The following GNL3L variants were observed in gnomAD, a reference collection of about 807,000 sequenced individuals.
GNL3L encodes guanine nucleotide-binding protein-like 3-like protein.
Under a neutral mutation model 42.9 loss-of-function variants are expected in GNL3L, and 4 were observed. The observed-to-expected ratio is 0.09, with a 90% CI of 0.05 to 0.21. GNL3L has a LOEUF of 0.21. Among genes scored for constraint, GNL3L ranks in the 10% least tolerant of loss-of-function variants. GNL3L has a pLI of 1.00. For synonymous variants in GNL3L, 159 were observed against 176.3 expected, an observed-to-expected ratio of 0.90 and a Z score of 0.78; for missense variants, 412 against 481.7, an observed-to-expected ratio of 0.86 and a Z score of 1.36.
downstream of GNL3L, among the ~76,000 whole-genome samples, chrX:54,625,990 G>A (rs1189459458): frequency 9.0e-6 from 1 of 111,182 alleles, no homozygotes; most frequent in Non-Finnish European, 1.9e-5. Flanking sequence ...GATCAAATCA[G>A]GGTGATTAAC....
At chrX:54,604,219 A>G (rs1926032900) in intron 16 of GNL3L, among the ~76,000 whole-genome samples, 1 of 112,227 alleles carries the variant, frequency 8.9e-6, no homozygotes, top group Admixed American at 9.4e-5. Flanking sequence ...ACAAAAACAG[A>G]TACAAATTTC....
intron 8 of GNL3L, among the ~76,000 whole-genome samples, chrX:54,547,530 CTCTG>C (rs1340088804): frequency 9.1e-6 from 1 of 110,304 alleles, no homozygotes; most frequent in African/African-American, 3.3e-5. Flanking sequence ...CATGGCGAAA[CTCTG>C]TCTTTACTAA....
At chrX:54,538,172 T>C (rs765980394) in intron 2 of GNL3L, among the ~76,000 whole-genome samples, 2 of 110,850 alleles carry the variant, frequency 1.8e-5, no homozygotes, top group African/African-American at 3.3e-5. Flanking sequence ...TCCTGGGCAA[T>C]AGAGCAAGAG....
chrX:54,541,188 G>A (rs762346843), intron 4 of GNL3L, 85 bp from the exon 5 acceptor site: 4 of 600,496 alleles, frequency 6.7e-6, no homozygotes, highest in African/African-American at 2.2e-5. Flanking sequence ...CTGCCATGTC[G>A]CACCATTTCC....
chrX:54,541,344 C>G lies in GNL3L; in HGVS notation c.261C>G (p.Ser87Arg). 8.3e-7 allele frequency: 1 copy of G among 1,208,100 alleles called. No individual in the cohort carries two copies. The change falls in exon 5 of 16, where the codon AGC (serine) becomes AGG (arginine). Residue 87 changes from serine (S) to arginine (R), a missense_variant. Physicochemically the swap from Ser to Arg is moderately radical, Grantham distance 110. Coordinates refer to ENST00000360845, the MANE Select transcript of GNL3L (RefSeq NM_001184819.2). ...GACAAAAACGCAGGACCATTGAGAG[C>G]TACTGTCAGGATGTCCTAAGACGCC... is the stretch of plus-strand genomic sequence containing the variant. ...QERQKRRTIE[S>R]YCQDVLRRQE...
chrX:54,593,612 C>T (rs753228226), intron 16 of GNL3L, among the ~76,000 whole-genome samples: 6 of 107,959 alleles, frequency 5.6e-5, no homozygotes, highest in Non-Finnish European at 1.1e-4. Context: ...TATTTCTGCT[C>T]TGGTCCTTAT....
chrX:54,634,547 C>T, the GNL3L span, among the ~76,000 whole-genome samples: 1 of 110,259 alleles, frequency 9.1e-6, no homozygotes, highest in East Asian at 2.8e-4. Flanking sequence ...GGCGTGATCT[C>T]GGCTCATTGC....
At chrX:54,534,609 T>C (rs987434954) in intron 2 of GNL3L, among the ~76,000 whole-genome samples, 1 of 111,633 alleles carries the variant, frequency 9.0e-6, no homozygotes, top group African/African-American at 3.3e-5. Flanking sequence ...GGTGGATGCA[T>C]TGAGGCTCAG....
the GNL3L span, among the ~76,000 whole-genome samples, chrX:54,634,712 C>T: frequency 9.7e-6 from 1 of 103,365 alleles, no homozygotes; most frequent in South Asian, 4.6e-4. Flanking sequence ...TGACCTCGAT[C>T]TCCTGACCTT....
the GNL3L span, among the ~76,000 whole-genome samples, chrX:54,633,762 C>T: frequency 0.15 from 16,458 of 111,756 alleles, 1,926 homozygotes; most frequent in African/African-American, 0.41. Context: ...CCATGCTCCT[C>T]CAACAGCCAA....
the GNL3L span, among the ~76,000 whole-genome samples, chrX:54,635,021 A>G: frequency 9.3e-6 from 1 of 107,117 alleles, no homozygotes; most frequent in Non-Finnish European, 1.9e-5. Flanking sequence ...TGAACTCCTG[A>G]CATCAAGTGA....
At chrX:54,552,827 C>T (rs1384182212) in intron 13 of GNL3L, among the ~76,000 whole-genome samples, 1 of 111,650 alleles carries the variant, frequency 9.0e-6, no homozygotes, top group Non-Finnish European at 1.9e-5. Flanking sequence ...TTACCCCTAT[C>T]GGTGAGTAAG....
At chrX:54,630,567 G>T in the GNL3L span, among the ~76,000 whole-genome samples, 1 of 109,207 alleles carries the variant, frequency 9.2e-6, no homozygotes, top group African/African-American at 3.4e-5. Flanking sequence ...TGGTTTTGAG[G>T]GTTCTTTTTG....
chrX:54,557,204 G>C (rs1371156500), intron 14 of GNL3L, among the ~76,000 whole-genome samples: 1 of 108,878 alleles, frequency 9.2e-6, no homozygotes, highest in African/African-American at 3.3e-5. Flanking sequence ...ATGGAATGGA[G>C]TCACTCATTT....
intron 4 of GNL3L, 131 bp downstream of exon 4, chrX:54,540,373 G>A (rs1175741246): frequency 4.1e-6 from 2 of 483,539 alleles, no homozygotes; most frequent in Non-Finnish European, 7.4e-6. Context: ...CGGGAGAGAG[G>A]GAGGTTACCA....
chrX:54,544,141 G>C (rs192356452), intron 7 of GNL3L, 82 bp from the exon 8 acceptor site: 1 of 527,371 alleles, frequency 1.9e-6, no homozygotes, highest in East Asian at 3.6e-5. Context: ...CTAGCTTTGG[G>C]TACGGGTGGA....
chrX:54,633,167 T>C, the GNL3L span, among the ~76,000 whole-genome samples: 2 of 111,566 alleles, frequency 1.8e-5, no homozygotes, highest in South Asian at 7.6e-4. Flanking sequence ...AGTGAAGTGG[T>C]TGTAGTTTTG....
In GNL3L at chrX:54,551,554, C is replaced by T. The variant is rs1017765631; in HGVS notation, c.864-14C>T. 32 of 1,201,496 alleles carry T rather than the reference C, an allele frequency of 2.7e-5. No individual in the cohort carries two copies. Among genetic ancestry groups the T allele is most frequent in the Non-Finnish European group, 3.4e-5 (30 of 888,855 alleles). ...ATGCCAGGTACATCTGGGCTTTCTT[C>T]TTCCCCGCCCCAGATTCATGCAGGA... On this transcript the variant is annotated splice_polypyrimidine_tract_variant and intron_variant, in intron 10 of 15. Coordinates refer to ENST00000360845, the MANE Select transcript of GNL3L (RefSeq NM_001184819.2).
chrX:54,610,250 G>C (rs955747690), intron 16 of GNL3L, among the ~76,000 whole-genome samples: 5 of 111,436 alleles, frequency 4.5e-5, no homozygotes, highest in Non-Finnish European at 9.4e-5. Flanking sequence ...GAGCTTTCTG[G>C]AGGAGTCCTT....
Sources: gnomAD v4.1 joint callset for allele counts (sites outside exome capture counted in the v4.1 genomes callset) on GRCh38, gnomAD v4.1.1 for gene constraint, MANE v1.5 for transcripts, NCBI Gene and HGNC (gene_info 2026-07-23, HGNC 2026-07-21) for gene names.